SUCLG2: variants seen among roughly 807,000 people sequenced by gnomAD.
SUCLG2 encodes the protein succinate--CoA ligase [GDP-forming] subunit beta, mitochondrial.
Under a neutral mutation model 47.9 loss-of-function variants are expected in SUCLG2, and 42 were observed. That is an observed-to-expected ratio of 0.88 (90% CI 0.69 to 1.14). SUCLG2 has a LOEUF of 1.14. Among genes scored for constraint, SUCLG2 ranks in the 50% most tolerant of loss-of-function variants. SUCLG2 has a pLI of 0.00. For missense variants in SUCLG2, 571 were observed against 525.9 expected (o/e 1.09, Z -0.84); for synonymous variants, 195 against 197.3 (o/e 0.99, Z 0.10).
intron 10 of SUCLG2, among the ~76,000 whole-genome samples, chr3:67,362,661 A>G (rs1314495906): frequency 1.3e-5 from 2 of 152,210 alleles, no homozygotes; most frequent in African/African-American, 2.4e-5. Flanking sequence ...TACCTAATGC[A>G]GTGACAGGCA....
intron 1 of SUCLG2, among the ~76,000 whole-genome samples, chr3:67,635,770 AAAAAGCTGGAAGT>A (rs1217044184): frequency 8.5e-5 from 13 of 152,196 alleles, no homozygotes; most frequent in African/African-American, 1.2e-4. Context: ...CATCAAGACC[AAAAAGCTGGAAGT>A]AAAAGCTGGA....
At chr3:67,586,508 C>T (rs928163857) in intron 2 of SUCLG2, among the ~76,000 whole-genome samples, 1 of 152,088 alleles carries the variant, frequency 6.6e-6, no homozygotes, top group African/African-American at 2.4e-5. Flanking sequence ...AATTTCAGTC[C>T]TTAGGCAGTC....
intron 9 of SUCLG2, among the ~76,000 whole-genome samples, chr3:67,407,054 A>G (rs1478909008): frequency 6.6e-6 from 1 of 152,142 alleles, no homozygotes; most frequent in Non-Finnish European, 1.5e-5. Context: ...ATCAGTATAT[A>G]TTTTAGGTTT....
intron 2 of SUCLG2, among the ~76,000 whole-genome samples, chr3:67,601,647 C>A (rs1575808554): frequency 6.6e-6 from 1 of 152,244 alleles, no homozygotes; most frequent in South Asian, 2.1e-4. Flanking sequence ...GCCAACATAA[C>A]TTCTTTGCCC....
chr3:67,432,229 G>GT (rs1559524208), intron 9 of SUCLG2, among the ~76,000 whole-genome samples: 1 of 152,166 alleles, frequency 6.6e-6, no homozygotes, highest in African/African-American at 2.4e-5. Flanking sequence ...GCTAGGCATT[G>GT]TTTTGCTGGT....
intron 4 of SUCLG2, among the ~76,000 whole-genome samples, chr3:67,525,779 G>A (rs997384608): frequency 6.6e-6 from 1 of 152,134 alleles, no homozygotes; most frequent in African/African-American, 2.4e-5. Flanking sequence ...AAATATTGAC[G>A]TATTGGACTT....
downstream of SUCLG2, among the ~76,000 whole-genome samples, chr3:67,371,279 A>G (rs1701949066): frequency 6.6e-6 from 1 of 152,184 alleles, no homozygotes; most frequent in African/African-American, 2.4e-5. Flanking sequence ...TTAATTTTGG[A>G]TTTGTGAAAT....
intron 1 of SUCLG2, among the ~76,000 whole-genome samples, chr3:67,648,859 A>G (rs1701237706): frequency 6.6e-6 from 1 of 152,064 alleles, no homozygotes; most frequent in Non-Finnish European, 1.5e-5. Flanking sequence ...TGAGACCACA[A>G]ATGCTTACTG....
intron 1 of SUCLG2, among the ~76,000 whole-genome samples, chr3:67,613,268 G>C (rs1700564266): frequency 6.6e-6 from 1 of 152,144 alleles, no homozygotes; most frequent in African/African-American, 2.4e-5. Flanking sequence ...CAATCCTGAA[G>C]CTACCTAGTG....
intron 6 of SUCLG2, among the ~76,000 whole-genome samples, chr3:67,517,236 TTC>T (rs1377796785): frequency 6.6e-6 from 1 of 152,222 alleles, no homozygotes; most frequent in Non-Finnish European, 1.5e-5. Flanking sequence ...TAAAACCTTA[TTC>T]TGTTTTATCC....
intron 2 of SUCLG2, among the ~76,000 whole-genome samples, chr3:67,609,000 G>T (rs1700479601): frequency 1.3e-5 from 2 of 152,252 alleles, no homozygotes; most frequent in East Asian, 3.9e-4. Flanking sequence ...TTGACACTTA[G>T]GCCAAGTGCC....
At chr3:67,465,124 C>G (rs1704439447) in intron 9 of SUCLG2, among the ~76,000 whole-genome samples, 1 of 152,174 alleles carries the variant, frequency 6.6e-6, no homozygotes, top group Admixed American at 6.5e-5. Flanking sequence ...TTGGAGACAC[C>G]TAGACTAATA....
intron 2 of SUCLG2, among the ~76,000 whole-genome samples, chr3:67,581,548 C>CT (rs1707878108): frequency 6.6e-6 from 1 of 152,202 alleles, no homozygotes; most frequent in Non-Finnish European, 1.5e-5. Context: ...TTACTGAGCA[C>CT]TTTCCTGTTG....
chr3:67,401,403 A>G (rs1193199124), intron 9 of SUCLG2, among the ~76,000 whole-genome samples: 1 of 152,154 alleles, frequency 6.6e-6, no homozygotes, highest in African/African-American at 2.4e-5. Context: ...TTAGACAGCA[A>G]CCTTTTGATT....
At chr3:67,591,059 T>C (rs1053517423) in intron 2 of SUCLG2, among the ~76,000 whole-genome samples, 4 of 152,218 alleles carry the variant, frequency 2.6e-5, no homozygotes, top group Admixed American at 6.5e-5. Context: ...GAAAAGTACA[T>C]AATATACACT....
chr3:67,593,880 G>A (rs112707073), intron 2 of SUCLG2, among the ~76,000 whole-genome samples: 3,738 of 152,304 alleles, frequency 0.025, 132 homozygotes, highest in African/African-American at 0.079. Flanking sequence ...CATTTTCCAA[G>A]TGACTATGCA....
chr3:67,653,033 C>T (rs1189485861), intron 1 of SUCLG2, among the ~76,000 whole-genome samples: 1 of 152,236 alleles, frequency 6.6e-6, no homozygotes, highest in Non-Finnish European at 1.5e-5. Flanking sequence ...GAGTATCTCT[C>T]CCCAACCAGA....
chr3:67,572,308 T>G (rs1370416324), intron 2 of SUCLG2, among the ~76,000 whole-genome samples: 2 of 152,194 alleles, frequency 1.3e-5, no homozygotes, highest in African/African-American at 4.8e-5. Flanking sequence ...TATATGTTAA[T>G]TCATCATTCT....
chr3:67,555,333 G>A (rs1266290081), intron 2 of SUCLG2, among the ~76,000 whole-genome samples: 1 of 152,028 alleles, frequency 6.6e-6, no homozygotes, highest in East Asian at 1.9e-4. Flanking sequence ...TAAAATGAAT[G>A]TGTATATTTT....
Sources: gnomAD v4.1 joint callset for allele counts (sites outside exome capture counted in the v4.1 genomes callset) on GRCh38, gnomAD v4.1.1 for gene constraint, MANE v1.5 for transcripts, NCBI Gene and HGNC (gene_info 2026-07-23, HGNC 2026-07-21) for gene names.